Variants in LRMDA observed in about 807,000 individuals in gnomAD.
LRMDA encodes leucine rich melanocyte differentiation associated.
Under a neutral mutation model 29.8 loss-of-function variants are expected in LRMDA, and 18 were observed. The observed-to-expected ratio is 0.60, with a 90% CI of 0.42 to 0.90. The LOEUF is 0.90. Ranked by LOEUF, LRMDA falls within the 40% of genes least tolerant of loss-of-function variation. LRMDA has a pLI of 0.00. For missense variants in LRMDA, 273 were observed against 273.9 expected (o/e 1.00, Z 0.02); for synonymous variants, 125 against 109.4 (o/e 1.14, Z -0.89).
At chr10:76,418,330 G>C (rs201650169) in intron 6 of LRMDA, among the ~76,000 whole-genome samples, 6 of 54,472 alleles carry the variant, frequency 1.1e-4, no homozygotes, top group Non-Finnish European at 1.1e-4. Context: ...AGTTTTTCTT[G>C]TGTGTGTGTG....
chr10:75,442,478 TC>T (rs1330218740), intron 2 of LRMDA, among the ~76,000 whole-genome samples: 1 of 152,226 alleles, frequency 6.6e-6, no homozygotes, highest in Non-Finnish European at 1.5e-5. Flanking sequence ...CATATGGATA[TC>T]CAGTTTTTCT....
chr10:76,478,056 T>G (rs1410276481), intron 6 of LRMDA, among the ~76,000 whole-genome samples: 5 of 151,972 alleles, frequency 3.3e-5, no homozygotes, highest in African/African-American at 1.2e-4. Context: ...AGAAATGGGA[T>G]CTAATTAAAC....
chr10:76,262,362 G>A (rs1012957693), intron 5 of LRMDA, among the ~76,000 whole-genome samples: 2 of 152,138 alleles, frequency 1.3e-5, no homozygotes, highest in Non-Finnish European at 2.9e-5. Context: ...ACTCATGTAC[G>A]CGCTTCTCAT....
intron 2 of LRMDA, among the ~76,000 whole-genome samples, chr10:75,914,657 G>C (rs1589251644): frequency 6.6e-6 from 1 of 152,302 alleles, no homozygotes; most frequent in Admixed American, 6.5e-5. Context: ...ATATCACCTA[G>C]AGTACACATC....
At chr10:75,482,223 T>G (rs1005991545) in intron 2 of LRMDA, among the ~76,000 whole-genome samples, 21 of 152,226 alleles carry the variant, frequency 1.4e-4, no homozygotes, top group Middle Eastern at 6.8e-3. Context: ...AGCTAGACCT[T>G]AGAATTGCAT....
chr10:75,645,418 T>C (rs1841506025), intron 2 of LRMDA, among the ~76,000 whole-genome samples: 1 of 152,172 alleles, frequency 6.6e-6, no homozygotes, highest in Non-Finnish European at 1.5e-5. Flanking sequence ...AGGACAGAGA[T>C]TTGAACTACC....
intron 2 of LRMDA, among the ~76,000 whole-genome samples, chr10:75,617,344 A>G (rs1430087406): frequency 6.6e-6 from 1 of 152,178 alleles, no homozygotes; most frequent in Non-Finnish European, 1.5e-5. Flanking sequence ...CTTATCATTT[A>G]GCAAATGGCT....
intron 6 of LRMDA, among the ~76,000 whole-genome samples, chr10:76,465,354 C>A (rs545276713): frequency 6.6e-6 from 1 of 152,234 alleles, no homozygotes; most frequent in Non-Finnish European, 1.5e-5. Flanking sequence ...GTGTCATTTC[C>A]TTTCTGTAAG....
In LRMDA at chr10:75,713,343, A is replaced by G. The variant is rs181128234; in HGVS notation, c.131+274849A>G. Among the ~76,000 whole-genome samples, 353 of 152,330 alleles carry G rather than the reference A, an allele frequency of 2.3e-3. 1 individual carries two copies. The highest frequency in any genetic ancestry group is 8.0e-3 in the African/African-American group (332 of 41,580). The stretch of plus-strand genomic sequence containing the variant: ...AATAAGAGTCTGTGGTTGAAAAGCT[A>G]TGAGAGATTTGTTAAAATTAATGCA... On this transcript the variant is annotated intron_variant, in intron 2 of 6. Transcript: ENST00000611255.
chr10:75,442,467 A>G (rs983156122), intron 2 of LRMDA, among the ~76,000 whole-genome samples: 2 of 152,306 alleles, frequency 1.3e-5, no homozygotes, highest in East Asian at 1.9e-4. Flanking sequence ...TTTTTCTTCC[A>G]CATATGGATA....
At chr10:76,408,336 A>G (rs1841923667) in intron 6 of LRMDA, among the ~76,000 whole-genome samples, 2 of 152,222 alleles carry the variant, frequency 1.3e-5, no homozygotes, top group Admixed American at 6.5e-5. Flanking sequence ...TCATCTAACT[A>G]TATAAAACAC....
chr10:76,091,176 T>C (rs1849224566), intron 5 of LRMDA, among the ~76,000 whole-genome samples: 2 of 152,248 alleles, frequency 1.3e-5, no homozygotes, highest in East Asian at 1.9e-4. Flanking sequence ...GGTTGTAAAA[T>C]AGCGAGTACT....
At chr10:75,766,248 A>G (rs1254429105) in intron 2 of LRMDA, among the ~76,000 whole-genome samples, 1 of 152,202 alleles carries the variant, frequency 6.6e-6, no homozygotes, top group African/African-American at 2.4e-5. Flanking sequence ...TAGGTCCTCT[A>G]TAAACAGGTG....
Position 76,284,706 on chromosome 10 carries a change from C to T in LRMDA, c.517-39695C>T, listed in dbSNP as rs116988205. ...ACCCAAATCTCATCTTGAATTGTGG[C>T]TCCCATAATCCCCAGGTGTTGTGGT... On this transcript the variant is annotated intron_variant, in intron 5 of 6. Transcript: ENST00000611255. Among the ~76,000 whole-genome samples, 495 of 152,254 alleles carry T rather than the reference C, an allele frequency of 3.3e-3. 25 individuals carry two copies. In the East Asian group the frequency reaches 0.076, roughly 23 times the overall value.
chr10:75,953,224 C>T (rs1276512779), intron 2 of LRMDA, among the ~76,000 whole-genome samples: 3 of 152,122 alleles, frequency 2.0e-5, no homozygotes, highest in Admixed American at 1.3e-4. Flanking sequence ...AGGCACACAC[C>T]ACCATGCCCA....
intron 6 of LRMDA, among the ~76,000 whole-genome samples, chr10:76,413,032 C>G (rs1297825828): frequency 6.6e-6 from 1 of 152,140 alleles, no homozygotes; most frequent in African/African-American, 2.4e-5. Context: ...TTGGATGAGT[C>G]CTGGTGATTC....
At chr10:75,921,844 C>T (rs1846029037) in intron 2 of LRMDA, among the ~76,000 whole-genome samples, 1 of 152,192 alleles carries the variant, frequency 6.6e-6, no homozygotes, top group Non-Finnish European at 1.5e-5. Context: ...CCCCTTCCTC[C>T]TTCTGATCCT....
chr10:75,700,497 G>A (rs1162789346), intron 2 of LRMDA, among the ~76,000 whole-genome samples: 2 of 149,046 alleles, frequency 1.3e-5, no homozygotes, highest in South Asian at 2.1e-4. Flanking sequence ...GTGCAGTGGC[G>A]CGATCTTGGC....
chr10:75,710,030 T>A (rs932300346), intron 2 of LRMDA, among the ~76,000 whole-genome samples: 8 of 152,210 alleles, frequency 5.3e-5, no homozygotes, highest in Non-Finnish European at 8.8e-5. Context: ...CAGGTTGGTG[T>A]TGTCAGCAGA....
Sources: allele counts gnomAD v4.1 joint callset (sites outside exome capture counted in the v4.1 genomes callset), GRCh38; gene constraint gnomAD v4.1.1; transcripts MANE v1.5; gene names NCBI Gene and HGNC (gene_info 2026-07-23, HGNC 2026-07-21).